Variants in KAZN observed in about 807,000 individuals in gnomAD.
The protein encoded by KAZN is kazrin, periplakin interacting protein, also known as kazrin.
Under a neutral mutation model 87.4 loss-of-function variants are expected in KAZN, and 40 were observed. The ratio of observed to expected loss-of-function variants is 0.46; its 90% CI spans 0.36 to 0.60. The LOEUF is 0.60. KAZN is among the 20% of genes least tolerant of loss of function. The pLI is 0.00. For synonymous variants in KAZN, 466 were observed against 458.3 expected, an observed-to-expected ratio of 1.02 and a Z score of -0.22; for missense variants, 898 against 1,073.9, an observed-to-expected ratio of 0.84 and a Z score of 2.29.
chr1:14,032,562 T>G (rs1178092478), intron 1 of KAZN, among the ~76,000 whole-genome samples: 1 of 152,204 alleles, frequency 6.6e-6, no homozygotes, highest in Non-Finnish European at 1.5e-5. Flanking sequence ...CTGAAATGAC[T>G]GCAGCAGGTT....
chr1:14,529,674 G>C (rs1672106557), intron 2 of KAZN, among the ~76,000 whole-genome samples: 1 of 152,150 alleles, frequency 6.6e-6, no homozygotes, highest in South Asian at 2.1e-4. Flanking sequence ...GAAAGAGAAA[G>C]GAGAACCAGT....
intron 2 of KAZN, among the ~76,000 whole-genome samples, chr1:15,005,506 C>T (rs1668912658): frequency 6.6e-6 from 1 of 152,148 alleles, no homozygotes; most frequent in Non-Finnish European, 1.5e-5. Flanking sequence ...CTAAAGGGGG[C>T]CGGGTGCGGT....
At chr1:13,921,208 TA>T (rs1352348403) in intron 1 of KAZN, among the ~76,000 whole-genome samples, 16 of 152,250 alleles carry the variant, frequency 1.1e-4, no homozygotes, top group Non-Finnish European at 1.8e-4. Context: ...TATCTAAATG[TA>T]ATTTGATATT....
chr1:14,483,100 T>C (rs79143468), intron 2 of KAZN, among the ~76,000 whole-genome samples: 2,818 of 152,350 alleles, frequency 0.018, 49 homozygotes, highest in East Asian at 0.047. Flanking sequence ...GCCATTATTA[T>C]TCTGATTTTG....
intron 1 of KAZN, among the ~76,000 whole-genome samples, chr1:14,714,175 G>C (rs911307753): frequency 2.0e-5 from 3 of 152,118 alleles, no homozygotes; most frequent in African/African-American, 7.2e-5. Context: ...CCATCATACT[G>C]GTTCCATTTT....
intron 1 of KAZN, among the ~76,000 whole-genome samples, chr1:14,952,838 A>T (rs1662656831): frequency 6.6e-6 from 1 of 152,202 alleles, no homozygotes; most frequent in South Asian, 2.1e-4. Flanking sequence ...TTCCGAAATG[A>T]TCATGATGAG....
intron 1 of KAZN, among the ~76,000 whole-genome samples, chr1:13,916,866 G>C (rs1639871626): frequency 6.6e-6 from 1 of 152,114 alleles, no homozygotes; most frequent in Non-Finnish European, 1.5e-5. Flanking sequence ...AGGTGAGTGG[G>C]CTCGGGGAGA....
rs181544289 is a variant in KAZN at position 14,002,111 on chromosome 1, G to A, written c.91+108355G>A. Reference sequence around the variant, plus strand: ...TTTTGCAATCTACCCATCTGACAAAGGTCTAATATCCAGAATATACAAGGA... The same window carrying A: ...TTTTGCAATCTACCCATCTGACAAAAGTCTAATATCCAGAATATACAAGGA... On this transcript the variant is annotated intron_variant, in intron 1 of 16. Coordinates refer to the KAZN transcript ENST00000636203. Among the ~76,000 whole-genome samples, 58 of 152,244 alleles carry A rather than the reference G, an allele frequency of 3.8e-4. No homozygotes were observed. In the East Asian group the frequency reaches 6.4e-3, roughly 17 times the overall value.
At chr1:14,096,201 TA>T (rs1253769164) in intron 1 of KAZN, among the ~76,000 whole-genome samples, 1 of 152,248 alleles carries the variant, frequency 6.6e-6, no homozygotes, top group African/African-American at 2.4e-5. Context: ...ATAATTTTTT[TA>T]AAAGATGAAG....
At chr1:13,958,634 T>A (rs1286160728) in intron 1 of KAZN, among the ~76,000 whole-genome samples, 1 of 151,122 alleles carries the variant, frequency 6.6e-6, no homozygotes, top group East Asian at 1.9e-4. Context: ...GAAGGGCAGA[T>A]CAGGGAAGGC....
At chr1:15,085,309 C>A (rs1640198306) in intron 8 of KAZN, among the ~76,000 whole-genome samples, 1 of 152,054 alleles carries the variant, frequency 6.6e-6, no homozygotes, top group Non-Finnish European at 1.5e-5. Context: ...TTGTATCAGC[C>A]ACATTTTACC....
chr1:13,949,129 TC>T (rs1447205681), intron 1 of KAZN, among the ~76,000 whole-genome samples: 4 of 152,178 alleles, frequency 2.6e-5, no homozygotes, highest in Non-Finnish European at 4.4e-5. Context: ...GAACATCATT[TC>T]CCCTCTCCTC....
chr1:14,502,470 T>C (rs1383233162), intron 2 of KAZN, among the ~76,000 whole-genome samples: 1 of 152,112 alleles, frequency 6.6e-6, no homozygotes, highest in Non-Finnish European at 1.5e-5. Context: ...TTTTTTTAGG[T>C]CATCTCTTGC....
intron 2 of KAZN, among the ~76,000 whole-genome samples, chr1:14,328,528 C>T (rs1049957984): frequency 6.6e-6 from 1 of 151,892 alleles, no homozygotes; most frequent in Admixed American, 6.6e-5. Flanking sequence ...ACAGTGAAAC[C>T]CTGTCTCTAC....
chr1:13,944,952 G>C (rs1641080433), intron 1 of KAZN, among the ~76,000 whole-genome samples: 1 of 151,960 alleles, frequency 6.6e-6, no homozygotes, highest in Non-Finnish European at 1.5e-5. Flanking sequence ...GAGCTTACAA[G>C]AGATATCCCT....
intron 1 of KAZN, among the ~76,000 whole-genome samples, chr1:14,699,717 C>T (rs549682528): frequency 5.8e-4 from 88 of 152,298 alleles, no homozygotes; most frequent in African/African-American, 2.0e-3. Context: ...AACCAGCCAG[C>T]GGTGTGCTAG....
intron 2 of KAZN, among the ~76,000 whole-genome samples, chr1:15,031,889 T>C (rs113294360): frequency 3.9e-5 from 6 of 152,298 alleles, no homozygotes; most frequent in East Asian, 1.9e-4. Context: ...ATTACAAGCA[T>C]GAGCCAAGGC....
intron 1 of KAZN, among the ~76,000 whole-genome samples, chr1:14,705,824 A>G (rs935938400): frequency 6.6e-6 from 1 of 152,184 alleles, no homozygotes; most frequent in Non-Finnish European, 1.5e-5. Context: ...ACAAAGTTAC[A>G]GCTAAATAGA....
At chr1:14,011,832 C>A (rs1028509025) in intron 1 of KAZN, among the ~76,000 whole-genome samples, 1 of 152,142 alleles carries the variant, frequency 6.6e-6, no homozygotes, top group East Asian at 1.9e-4. Flanking sequence ...CATGTATCAG[C>A]GTTTCCCAGC....
Sources: gnomAD v4.1 joint callset for allele counts (sites outside exome capture counted in the v4.1 genomes callset) on GRCh38, gnomAD v4.1.1 for gene constraint, MANE v1.5 for transcripts, NCBI Gene and HGNC (gene_info 2026-07-23, HGNC 2026-07-21) for gene names.